RGS17: variants seen among roughly 807,000 people sequenced by gnomAD.
The protein encoded by RGS17 is regulator of G-protein signaling 17.
In RGS17, 12 loss-of-function variants were observed where a neutral mutation model predicts 25.5. That is an observed-to-expected ratio of 0.47 (90% CI 0.30 to 0.76). RGS17 has a LOEUF of 0.76. RGS17 is among the 30% of genes least tolerant of loss of function. RGS17 has a pLI of 0.07. For synonymous variants in RGS17, 71 were observed against 76.9 expected (o/e 0.92, Z 0.40); for missense variants, 196 against 242.2 (o/e 0.81, Z 1.27).
rs1197371850 is a variant in RGS17 at position 153,008,255 on chromosome 6, A to G, written c.*3319T>C. ...TAAGTCAGAACCTAGGCAGCATTAA[A>G]GGATACTAATAAACATCCATGCACT... On this transcript the variant is annotated 3_prime_UTR_variant, in exon 5 of 5. Coordinates refer to ENST00000206262, the MANE Select transcript of RGS17 (RefSeq NM_012419.5). 6.6e-6 allele frequency: 1 copy of G among 152,220 alleles called. No individual in the cohort carries two copies. The highest frequency in any genetic ancestry group is 1.9e-4 in the East Asian group (1 of 5,202). 9.4% of individuals were successfully genotyped at this position (152,220 alleles called of 1,614,324 possible).
intron 1 of RGS17, among the ~76,000 whole-genome samples, chr6:153,105,367 TA>T (rs1478544191): frequency 6.6e-5 from 10 of 152,112 alleles, no homozygotes; most frequent in African/African-American, 2.4e-4. Flanking sequence ...AAGGACCTAT[TA>T]TCTGTGCTGG....
chr6:153,113,517 T>C (rs780802325), intron 1 of RGS17, among the ~76,000 whole-genome samples: 1 of 152,174 alleles, frequency 6.6e-6, no homozygotes, highest in Non-Finnish European at 1.5e-5. Flanking sequence ...ATTAGACAGA[T>C]CAACGAGACA....
rs967936030 is a variant in RGS17, at chr6:153,007,115, G to C, written c.*4459C>G. The C allele has an allele frequency of 6.6e-6, 1 of 152,148 alleles. No individual in the cohort carries two copies. The highest frequency in any genetic ancestry group is 6.5e-5 in the Admixed American group (1 of 15,272). 9.4% of individuals were successfully genotyped at this position (152,148 alleles called of 1,614,324 possible). ...AAAAGATGTTACTTGGGGCTGGAGA[G>C]GACTACACCTGTAAGAGTAATAATT... On this transcript the variant is annotated 3_prime_UTR_variant, in exon 5 of 5. Transcript: ENST00000206262.
chr6:153,067,046 A>AAAAGAAAC (rs113209459), intron 1 of RGS17, among the ~76,000 whole-genome samples: 40,673 of 151,606 alleles, frequency 0.27, 5,532 homozygotes, highest in East Asian at 0.36. Flanking sequence ...TCTCAAAAAC[A>AAAAGAAAC]AAACAAACAA....
chr6:153,031,143 T>C (rs1040286567), intron 2 of RGS17, among the ~76,000 whole-genome samples: 1 of 152,172 alleles, frequency 6.6e-6, no homozygotes. Context: ...CAGCAAAGTA[T>C]GTGTTATCCA....
chr6:153,057,645 T>C (rs181852560), intron 1 of RGS17, among the ~76,000 whole-genome samples: 122 of 152,332 alleles, frequency 8.0e-4, no homozygotes, highest in African/African-American at 2.8e-3. Flanking sequence ...ACATTTATTG[T>C]GCTCTTTATT....
chr6:153,028,871 A>G (rs530066174), intron 2 of RGS17, among the ~76,000 whole-genome samples: 26 of 152,306 alleles, frequency 1.7e-4, no homozygotes, highest in Admixed American at 3.9e-4. Context: ...AAGGCAGTAC[A>G]CATGACGCAG....
At chr6:153,020,487 T>C (rs1203737601) in intron 4 of RGS17, among the ~76,000 whole-genome samples, 1 of 152,068 alleles carries the variant, frequency 6.6e-6, no homozygotes, top group Non-Finnish European at 1.5e-5. Flanking sequence ...GCTCAAATTA[T>C]TACAAATGCA....
chr6:153,025,160 A>C (rs1779286094), intron 3 of RGS17, among the ~76,000 whole-genome samples: 3 of 152,104 alleles, frequency 2.0e-5, no homozygotes, highest in South Asian at 4.1e-4. Flanking sequence ...AAAAAAATTA[A>C]AAAATTAGCT....
rs1779129434 is a variant in RGS17 at position 153,011,242 on chromosome 6, A to G, written c.*332T>C. On this transcript the variant is annotated 3_prime_UTR_variant, in exon 5 of 5. Coordinates refer to ENST00000206262, the MANE Select transcript of RGS17 (RefSeq NM_012419.5). ...TACTGGATTAAATATTACAACAACT[A>G]TGTGGCAAATGAAGCATTTTACTTT... 5.0e-6 allele frequency: 1 copy of G among 201,110 alleles called. No individual in the cohort carries two copies. The highest frequency in any genetic ancestry group is 2.3e-5 in the African/African-American group (1 of 42,634). 12.5% of individuals were successfully genotyped at this position (201,110 alleles called of 1,614,324 possible).
rs570715659 is a variant in RGS17 at position 153,045,111 on chromosome 6, A to T, written c.-25-1068T>A. Among the ~76,000 whole-genome samples, 15 of 152,368 alleles carry T rather than the reference A, an allele frequency of 9.8e-5. No individual in the cohort carries two copies. The South Asian group carries it at 2.5e-3, about 25-fold the overall frequency. ...GATATTTTCAGTTCTGAATACAATG[A>T]TAAACACTTTAAAAAATACTGCATT... is the stretch of plus-strand genomic sequence containing the variant. On this transcript the variant is annotated intron_variant, in intron 1 of 4. Coordinates refer to ENST00000206262, the MANE Select transcript of RGS17 (RefSeq NM_012419.5).
intron 1 of RGS17, among the ~76,000 whole-genome samples, chr6:153,105,765 G>A (rs1470051161): frequency 6.6e-6 from 1 of 152,196 alleles, no homozygotes; most frequent in Non-Finnish European, 1.5e-5. Flanking sequence ...CAGTGTGGCT[G>A]AGGCATAAGG....
intron 4 of RGS17, among the ~76,000 whole-genome samples, chr6:153,018,233 T>C (rs1332410038): frequency 1.3e-5 from 2 of 152,154 alleles, no homozygotes; most frequent in African/African-American, 4.8e-5. Context: ...GTTGGGTTTA[T>C]AGAAATCTAA....
chr6:153,122,910 C>A (rs937809646), intron 1 of RGS17, among the ~76,000 whole-genome samples: 2 of 83,440 alleles, frequency 2.4e-5, no homozygotes, highest in Non-Finnish European at 4.8e-5. Context: ...TGTTAGTATT[C>A]CAATTCACAA....
At chr6:153,046,853 A>C (rs979010133) in intron 1 of RGS17, among the ~76,000 whole-genome samples, 1 of 152,152 alleles carries the variant, frequency 6.6e-6, no homozygotes, top group African/African-American at 2.4e-5. Flanking sequence ...CTAGAACTGG[A>C]AGAAAACAAA....
intron 1 of RGS17, among the ~76,000 whole-genome samples, chr6:153,051,940 T>A (rs1776466487): frequency 6.6e-6 from 1 of 152,222 alleles, no homozygotes. Flanking sequence ...AATGAAGAAA[T>A]GTTGTCAGAT....
intron 1 of RGS17, among the ~76,000 whole-genome samples, chr6:153,101,862 TAA>T (rs1777308917): frequency 6.6e-6 from 1 of 152,170 alleles, no homozygotes; most frequent in African/African-American, 2.4e-5. Flanking sequence ...GCCATGATTA[TAA>T]GTTTTCCTGA....
chr6:153,114,230 T>C (rs1777513592), intron 1 of RGS17, among the ~76,000 whole-genome samples: 1 of 151,774 alleles, frequency 6.6e-6, no homozygotes, highest in African/African-American at 2.4e-5. Flanking sequence ...ATAGACACAA[T>C]ACAAAATGAT....
intron 4 of RGS17, among the ~76,000 whole-genome samples, chr6:153,021,077 G>A (rs1779243479): frequency 6.6e-6 from 1 of 152,164 alleles, no homozygotes; most frequent in East Asian, 1.9e-4. Context: ...CCTTACAGTT[G>A]CCATTATGCA....
Sources: gnomAD v4.1 joint callset for allele counts (sites outside exome capture counted in the v4.1 genomes callset) on GRCh38, gnomAD v4.1.1 for gene constraint, MANE v1.5 for transcripts, NCBI Gene and HGNC (gene_info 2026-07-23, HGNC 2026-07-21) for gene names.